TRAK1: variants seen among roughly 807,000 people sequenced by gnomAD.
TRAK1 encodes trafficking kinesin-binding protein 1.
In TRAK1, 33 loss-of-function variants were observed where a neutral mutation model predicts 92.1. The observed-to-expected ratio is 0.36, with a 90% CI of 0.27 to 0.48. The LOEUF (loss-of-function observed/expected upper bound fraction) is 0.48. TRAK1 is among the 20% of genes least tolerant of loss of function. The probability of loss-of-function intolerance (pLI) is 0.99; values close to 1 mark genes in which losing one functional copy is unlikely to be tolerated. For synonymous variants in TRAK1, 521 were observed against 517.3 expected (o/e 1.01, Z -0.10); for missense variants, 1,123 against 1,257.9 (o/e 0.89, Z 1.62).
Position 42,223,784 on chromosome 3 carries a change from CT to C in TRAK1, c.*48del. On this transcript the variant is annotated 3_prime_UTR_variant, in exon 16 of 16. Transcript: ENST00000327628. The surrounding 1 kb of genome is among the most constrained non-coding windows in gnomAD (Gnocchi z 6.1). ...CCCTAGAGGAGACCCACGTTCTCCT[CT>C]CTTGCTCCCACCTCCCTCTCTTCCC... The C allele has an allele frequency of 7.4e-7, 1 of 1,360,330 alleles. No homozygotes were observed. The highest frequency in any genetic ancestry group is 1.3e-5 in the South Asian group (1 of 77,690). The allele number at this position is 1,360,330 out of a possible 1,614,324, so 84.3% of individuals were successfully genotyped here.
chr3:42,110,492 C>T (rs1313455249), intron 1 of TRAK1, among the ~76,000 whole-genome samples: 2 of 152,096 alleles, frequency 1.3e-5, no homozygotes, highest in African/African-American at 4.8e-5. Context: ...GTTCCTCCTG[C>T]CTTTGCAGCA....
upstream of TRAK1, among the ~76,000 whole-genome samples, chr3:42,089,590 A>G (rs1010288856): frequency 2.6e-5 from 4 of 151,888 alleles, no homozygotes; most frequent in South Asian, 4.2e-4. Context: ...ATCCAGCCTC[A>G]GGGTCTTTGG....
chr3:42,081,498 A>C (rs1255344852), intron 1 of TRAK1, among the ~76,000 whole-genome samples: 1 of 152,228 alleles, frequency 6.6e-6, no homozygotes, highest in Non-Finnish European at 1.5e-5. Context: ...ATGTGCCAAC[A>C]CCGGTCCATG....
chr3:42,096,558 A>G (rs989835817), intron 1 of TRAK1, among the ~76,000 whole-genome samples: 5 of 152,254 alleles, frequency 3.3e-5, no homozygotes, highest in South Asian at 2.1e-4. Flanking sequence ...ATGGCCAAAC[A>G]CATAATTTTA....
chr3:42,095,194 C>G (rs1208798488), intron 1 of TRAK1, among the ~76,000 whole-genome samples: 1 of 152,206 alleles, frequency 6.6e-6, no homozygotes, highest in African/African-American at 2.4e-5. Flanking sequence ...AGCTCTGTGC[C>G]TGGCAGGTTT....
chr3:42,139,696 A>G (rs1698419073), intron 2 of TRAK1, among the ~76,000 whole-genome samples: 1 of 152,030 alleles, frequency 6.6e-6, no homozygotes, highest in African/African-American at 2.4e-5. Context: ...TTTTCTTTTT[A>G]AGAAGAAAAA....
chr3:42,047,793 G>A (rs891734695), intron 1 of TRAK1, among the ~76,000 whole-genome samples: 2 of 152,156 alleles, frequency 1.3e-5, no homozygotes, highest in Non-Finnish European at 2.9e-5. Flanking sequence ...GTTGGTAGCA[G>A]GGAACATCTT....
intron 4 of TRAK1, among the ~76,000 whole-genome samples, chr3:42,186,869 C>T (rs1704947782): frequency 6.6e-6 from 1 of 152,172 alleles, no homozygotes; most frequent in Non-Finnish European, 1.5e-5. Flanking sequence ...ATTGTCTTCT[C>T]CATGGAAGAC....
At chr3:42,203,503 T>G in intron 13 of TRAK1, 1 of 982,340 alleles carries the variant, frequency 1.0e-6, no homozygotes, top group African/African-American at 1.8e-5. Flanking sequence ...TCTTTTTTTT[T>G]TTTTTTTTTT....
At chr3:42,058,348 A>T (rs1243202327) in intron 1 of TRAK1, among the ~76,000 whole-genome samples, 1 of 151,270 alleles carries the variant, frequency 6.6e-6, no homozygotes, top group African/African-American at 2.4e-5. Context: ...TAATTTATTT[A>T]TTTTTTGAGA....
intron 1 of TRAK1, among the ~76,000 whole-genome samples, chr3:42,061,640 C>T (rs1703448653): frequency 6.6e-6 from 1 of 152,094 alleles, no homozygotes; most frequent in African/African-American, 2.4e-5. Flanking sequence ...TGTGAGAATT[C>T]CATTCCGTGC....
At chr3:42,134,933 G>A (rs775094445) in intron 2 of TRAK1, among the ~76,000 whole-genome samples, 22 of 151,934 alleles carry the variant, frequency 1.4e-4, no homozygotes, top group African/African-American at 4.8e-4. Context: ...GAGTGCAGTG[G>A]CATTAATTAT....
Position 42,224,429 on chromosome 3 carries a change from A to G in TRAK1, c.*692A>G, listed in dbSNP as rs1002350478. On this transcript the variant is annotated 3_prime_UTR_variant, in exon 16 of 16. Transcript: ENST00000327628. ...GGCCAAATGTCTGACCCGAAAGAGA[A>G]TGTATTTACACTCATGCTGCGTTGT... 8.1e-6 allele frequency: 2 copies of G among 245,882 alleles called. No individual in the cohort carries two copies. The highest frequency in any genetic ancestry group is 1.6e-5 in the Non-Finnish European group (2 of 125,840). 15.2% of individuals were successfully genotyped at this position (245,882 alleles called of 1,614,324 possible).
intron 12 of TRAK1, among the ~76,000 whole-genome samples, chr3:42,201,625 A>T (rs1004642171): frequency 8.8e-5 from 13 of 147,952 alleles, no homozygotes; most frequent in Non-Finnish European, 1.7e-4. Context: ...ATTAATGAAT[A>T]TTTTTTTTTT....
intron 14 of TRAK1, among the ~76,000 whole-genome samples, chr3:42,216,606 G>A (rs1031262935): frequency 6.6e-6 from 1 of 152,162 alleles, no homozygotes; most frequent in Non-Finnish European, 1.5e-5. Flanking sequence ...CGACAGCTAC[G>A]GGCAGTTCAT....
intron 1 of TRAK1, among the ~76,000 whole-genome samples, chr3:42,068,314 G>A (rs1041918923): frequency 1.3e-5 from 2 of 152,090 alleles, no homozygotes; most frequent in Admixed American, 6.5e-5. Context: ...GTGCCACCAC[G>A]TCCAGCTAAC....
chr3:42,193,315 T>C (rs1160031915), intron 8 of TRAK1, 110 bp downstream of exon 8: 7 of 1,455,784 alleles, frequency 4.8e-6, no homozygotes, highest in Non-Finnish European at 6.4e-6. Flanking sequence ...TAGCAGTTCG[T>C]GTTGCCGCTT....
intron 2 of TRAK1, among the ~76,000 whole-genome samples, chr3:42,126,603 G>C (rs997834759): frequency 6.6e-6 from 1 of 152,010 alleles, no homozygotes. Flanking sequence ...AAAAACTTAT[G>C]GCAGCCAACA....
At chr3:42,069,177 A>T (rs1703804360) in intron 1 of TRAK1, among the ~76,000 whole-genome samples, 2 of 152,060 alleles carry the variant, frequency 1.3e-5, no homozygotes, top group Non-Finnish European at 2.9e-5. Flanking sequence ...ACACACACAC[A>T]CACAATTAGC....
Sources: allele counts gnomAD v4.1 joint callset (sites outside exome capture counted in the v4.1 genomes callset), GRCh38; gene constraint gnomAD v4.1.1; non-coding constraint Gnocchi (gnomAD v3.1); transcripts MANE v1.5; gene names NCBI Gene and HGNC (gene_info 2026-07-23, HGNC 2026-07-21).